The following LNPEP variants were observed in gnomAD, a reference collection of about 807,000 sequenced individuals.
LNPEP encodes leucyl and cystinyl aminopeptidase, also known as leucyl-cystinyl aminopeptidase.
Under a neutral mutation model 120.6 loss-of-function variants are expected in LNPEP, and 64 were observed. The observed-to-expected ratio is 0.53, with a 90% confidence interval of 0.43 to 0.65. LNPEP has a LOEUF of 0.65. Among genes scored for constraint, LNPEP ranks in the 30% least tolerant of loss-of-function variants. The pLI, the probability that LNPEP is intolerant of heterozygous loss-of-function variation, is 0.00. For synonymous variants in LNPEP, 435 were observed against 425.4 expected, an observed-to-expected ratio of 1.02 and a Z score of -0.28; for missense variants, 1,057 against 1,200.0, an observed-to-expected ratio of 0.88 and a Z score of 1.76.
intron 1 of LNPEP, among the ~76,000 whole-genome samples, chr5:96,978,364 T>G (rs1335297872): frequency 1.3e-5 from 2 of 152,114 alleles, no homozygotes; most frequent in Non-Finnish European, 1.5e-5. Flanking sequence ...GGAAATATGT[T>G]GTACTTCTGA....
chr5:96,976,201 A>AT (rs1369748681), intron 1 of LNPEP, among the ~76,000 whole-genome samples: 2 of 152,112 alleles, frequency 1.3e-5, no homozygotes, highest in South Asian at 2.1e-4. Flanking sequence ...AATAAAAGTG[A>AT]TTTTCCCTGA....
intron 6 of LNPEP, 39 bp from the exon 7 acceptor site, chr5:96,996,351 G>A (rs1377133557): frequency 8.7e-7 from 1 of 1,155,320 alleles, no homozygotes. Flanking sequence ...TCCTGAGGCT[G>A]TAAATATCCT....
At chr5:96,941,547 G>A (rs1205960162) in intron 1 of LNPEP, among the ~76,000 whole-genome samples, 2 of 152,152 alleles carry the variant, frequency 1.3e-5, no homozygotes, top group African/African-American at 2.4e-5. Context: ...CAAGAAGCCA[G>A]GATTGAGAAT....
rs1412717916 is a variant in LNPEP, at chr5:97,033,773, G to C, written c.*5240G>C. On this transcript the variant is annotated 3_prime_UTR_variant, in exon 18 of 18. Transcript: ENST00000231368. ...GGGGTATATACTTTTGTATATGTAT[G>C]TACATATTTTTATTTCTTTATTATA... is the stretch of plus-strand genomic sequence containing the variant. 6.6e-6 allele frequency: 1 copy of C among 151,992 alleles called. No homozygotes were observed. The highest frequency in any genetic ancestry group is 2.1e-4 in the South Asian group (1 of 4,826). 9.4% of individuals were successfully genotyped at this position (151,992 alleles called of 1,614,324 possible).
chr5:96,981,610 A>T (rs1358142915), intron 2 of LNPEP, among the ~76,000 whole-genome samples: 1 of 152,130 alleles, frequency 6.6e-6, no homozygotes, highest in Admixed American at 6.6e-5. Flanking sequence ...ATGGGAAGAG[A>T]TGGCTAGGGC....
intron 1 of LNPEP, among the ~76,000 whole-genome samples, chr5:96,938,840 T>C (rs2112552452): frequency 6.6e-6 from 1 of 152,338 alleles, no homozygotes; most frequent in South Asian, 2.1e-4. Context: ...AGTCTGGACA[T>C]CTGGTCTGGG....
At chr5:97,026,788 G>C in intron 16 of LNPEP, 31 bp downstream of exon 16, 1 of 1,582,200 alleles carries the variant, frequency 6.3e-7, no homozygotes, top group East Asian at 2.2e-5. Context: ...TTAACTTTTA[G>C]TATTCTCAAG....
intron 1 of LNPEP, among the ~76,000 whole-genome samples, chr5:96,956,344 C>T (rs1361339079): frequency 1.3e-5 from 2 of 152,084 alleles, no homozygotes; most frequent in Non-Finnish European, 2.9e-5. Flanking sequence ...TGGTGAAACC[C>T]TGTCTCTGCC....
intron 6 of LNPEP, among the ~76,000 whole-genome samples, 189 bp downstream of exon 6, chr5:96,994,160 G>A (rs116660877): frequency 0.038 from 5,709 of 152,052 alleles, 185 homozygotes; most frequent in Middle Eastern, 0.11. Flanking sequence ...GACTTTACAG[G>A]TTAAAGCATT....
chr5:96,936,366 G>C (rs1788871774), intron 1 of LNPEP, 192 bp downstream of exon 1: 2 of 430,090 alleles, frequency 4.7e-6, no homozygotes, highest in African/African-American at 4.1e-5. Context: ...GGCCAGTGCG[G>C]GACCCGGGGC....
intron 1 of LNPEP, among the ~76,000 whole-genome samples, chr5:96,938,904 A>G (rs911043530): frequency 4.6e-5 from 7 of 151,946 alleles, no homozygotes; most frequent in African/African-American, 1.7e-4. Context: ...ACCAGTACTT[A>G]AGATTGTTTT....
intron 1 of LNPEP, among the ~76,000 whole-genome samples, chr5:96,951,171 C>T (rs1017735358): frequency 3.3e-5 from 5 of 152,024 alleles, no homozygotes; most frequent in Admixed American, 1.3e-4. Flanking sequence ...TAGGGCTCTA[C>T]CCTTATGACC....
At chr5:96,999,712 C>G (rs753216881) in intron 8 of LNPEP, among the ~76,000 whole-genome samples, 1 of 151,866 alleles carries the variant, frequency 6.6e-6, no homozygotes, top group African/African-American at 2.4e-5. Flanking sequence ...CCCTCTAAAC[C>G]CAGAATTCAG....
In LNPEP at chr5:96,936,135, A is replaced by G. The variant is rs770592456; in HGVS notation, c.-21A>G. 2 of 1,513,042 alleles carry G rather than the reference A, an allele frequency of 1.3e-6. No homozygotes were observed. Among genetic ancestry groups the G allele is most frequent in the South Asian group, 2.4e-5 (2 of 82,264 alleles). 93.7% of individuals were successfully genotyped at this position (1,513,042 alleles called of 1,614,324 possible). A position where few individuals can be genotyped will look rare whatever the true frequency, so the allele number is the denominator to read the frequency against. ...AGGAAGCTCGGGCGCTCCGGCTGTA[A>G]GGAGCCGCGGCGGGGGGAAAATGGA... On this transcript the variant is annotated 5_prime_UTR_variant, in exon 1 of 18. Transcript: ENST00000231368.
chr5:97,007,043 G>A (rs1240968229), intron 11 of LNPEP, among the ~76,000 whole-genome samples: 1 of 152,110 alleles, frequency 6.6e-6, no homozygotes, highest in Non-Finnish European at 1.5e-5. Flanking sequence ...AAATATAAAC[G>A]TGGTGTATGC....
chr5:96,953,811 G>GT (rs1357584022), intron 1 of LNPEP, among the ~76,000 whole-genome samples: 1 of 152,106 alleles, frequency 6.6e-6, no homozygotes, highest in Non-Finnish European at 1.5e-5. Flanking sequence ...TTCAAGTTTT[G>GT]TTTTTTACTC....
rs1284455479 is a variant in LNPEP, at chr5:97,006,467, A to G, written c.1987A>G (p.Arg663Gly). Residue 663 changes from arginine to glycine, a missense_variant, in exon 11 of 18, where the codon AGA becomes GGA. Physicochemically the swap from Arg to Gly is moderately radical, Grantham distance 125. Coordinates refer to ENST00000231368, the MANE Select transcript of LNPEP (RefSeq NM_005575.3). ...HIPLSYVTEGRNYSKYQSVSL... is the reference protein window; with the variant it reads ...HIPLSYVTEGGNYSKYQSVSL... ...TCCACTATCCTATGTCACTGAAGGA[A>G]GAAATTATTCAAAATATCAATCGGT... The G allele has an allele frequency of 2.5e-6, 4 of 1,586,138 alleles. No individual in the cohort carries two copies. Among genetic ancestry groups the G allele is most frequent in the Admixed American group, 3.3e-5 (2 of 59,790 alleles).
chr5:96,949,073 G>T (rs1789260430), intron 1 of LNPEP, among the ~76,000 whole-genome samples: 1 of 152,322 alleles, frequency 6.6e-6, no homozygotes, highest in Non-Finnish European at 1.5e-5. Flanking sequence ...CCTTAGTGAG[G>T]TTTTGAAAAG....
chr5:97,008,538 G>T (rs1309821753), intron 11 of LNPEP, among the ~76,000 whole-genome samples: 1 of 151,024 alleles, frequency 6.6e-6, no homozygotes, highest in Non-Finnish European at 1.5e-5. Context: ...TTTTTGTAGA[G>T]ACAGGGCCTC....
Sources: gnomAD v4.1 joint callset for allele counts (sites outside exome capture counted in the v4.1 genomes callset) on GRCh38, gnomAD v4.1.1 for gene constraint, MANE v1.5 for transcripts, NCBI Gene and HGNC (gene_info 2026-07-23, HGNC 2026-07-21) for gene names.